The following MAPK8 variants were observed in gnomAD, a reference collection of about 807,000 sequenced individuals.
The protein encoded by MAPK8 is JUN N-terminal kinase.
A neutral mutation model predicts 52.9 loss-of-function variants in MAPK8; 13 were observed. The ratio of observed to expected loss-of-function variants is 0.25; its 90% confidence interval spans 0.16 to 0.39. The LOEUF (loss-of-function observed/expected upper bound fraction) is 0.39, where lower values mean the gene tolerates loss of function less well. MAPK8 is among the 10% of genes least tolerant of loss of function. MAPK8 has a pLI of 1.00. For missense variants in MAPK8, 300 were observed against 519.2 expected (o/e 0.58, Z 4.10); for synonymous variants, 191 against 169.8 (o/e 1.12, Z -0.97).
chr10:48,418,391 C>T (rs899754668), intron 5 of MAPK8, among the ~76,000 whole-genome samples: 6 of 152,172 alleles, frequency 3.9e-5, no homozygotes, highest in African/African-American at 1.4e-4. Context: ...TAGCACGACT[C>T]AGGCTTATTT....
intron 5 of MAPK8, among the ~76,000 whole-genome samples, chr10:48,418,388 A>C (rs1357178868): frequency 6.6e-6 from 1 of 152,126 alleles, no homozygotes; most frequent in East Asian, 1.9e-4. Context: ...GCTTAGCACG[A>C]CTCAGGCTTA....
At chr10:48,365,088 GATTAC>G (rs1341403579) in intron 1 of MAPK8, among the ~76,000 whole-genome samples, 2 of 152,118 alleles carry the variant, frequency 1.3e-5, no homozygotes, top group African/African-American at 4.8e-5. Flanking sequence ...ATTATAACTA[GATTAC>G]ATTACAAATA....
chr10:48,327,385 G>T (rs1843641136), intron 1 of MAPK8, among the ~76,000 whole-genome samples: 1 of 152,118 alleles, frequency 6.6e-6, no homozygotes, highest in African/African-American at 2.4e-5. Flanking sequence ...GTGGATTAGG[G>T]TTACATTAGT....
chr10:48,424,000 G>A (rs929616075), intron 6 of MAPK8, 88 bp from the exon 7 acceptor site: 95 of 881,444 alleles, frequency 1.1e-4, no homozygotes, highest in South Asian at 2.4e-4. Flanking sequence ...ACGTTTTGCA[G>A]TTTTTATATA....
intron 1 of MAPK8, among the ~76,000 whole-genome samples, chr10:48,346,420 C>T (rs1043861229): frequency 7.9e-5 from 12 of 152,226 alleles, no homozygotes; most frequent in African/African-American, 2.7e-4. Context: ...CGGACAGGGC[C>T]ACCAGAGGGC....
In MAPK8 at chr10:48,431,279, C is replaced by A; in HGVS notation, c.1138+9C>A. On this transcript the variant is annotated intron_variant, in intron 11 of 11. Coordinates refer to ENST00000374189, the MANE Select transcript of MAPK8 (RefSeq NM_001323329.2). ...GCAGCCCTCTCCTTTAGGTTGGTTA[C>A]AATATAAGCTTGGTTAAGATTACAG... 6.3e-7 allele frequency: 1 copy of A among 1,596,818 alleles called. No individual in the cohort carries two copies. The highest frequency in any genetic ancestry group is 8.6e-7 in the Non-Finnish European group (1 of 1,165,714).
chr10:48,412,765 TG>T (rs1233517909), intron 5 of MAPK8, among the ~76,000 whole-genome samples: 2 of 152,246 alleles, frequency 1.3e-5, no homozygotes, highest in Non-Finnish European at 1.5e-5. Flanking sequence ...TATTTCCCAA[TG>T]TTTTTTCCCC....
chr10:48,411,913 C>T (rs2042774760), intron 5 of MAPK8, among the ~76,000 whole-genome samples: 1 of 141,246 alleles, frequency 7.1e-6, no homozygotes, highest in African/African-American at 2.6e-5. Flanking sequence ...TCTCCATTCT[C>T]AGCTCACTGC....
intron 1 of MAPK8, among the ~76,000 whole-genome samples, chr10:48,341,657 T>C (rs1050772190): frequency 6.6e-6 from 1 of 152,362 alleles, no homozygotes; most frequent in East Asian, 1.9e-4. Context: ...CAACAAGCAT[T>C]ACCTATCTTC....
chr10:48,384,703 G>C (rs1287075677), intron 1 of MAPK8, among the ~76,000 whole-genome samples: 1 of 152,190 alleles, frequency 6.6e-6, no homozygotes, highest in East Asian at 1.9e-4. Context: ...AGTGGTATAG[G>C]TCCAGATTAT....
Position 48,438,397 on chromosome 10 carries a change from G to A in MAPK8, c.*3368G>A, listed in dbSNP as rs2045029780. 1 of 152,242 alleles carries A rather than the reference G, an allele frequency of 6.6e-6. No individual in the cohort carries two copies. 9.4% of individuals were successfully genotyped at this position (152,242 alleles called of 1,614,324 possible). A position where few individuals can be genotyped will look rare whatever the true frequency, so the allele number is the denominator to read the frequency against. On this transcript the variant is annotated 3_prime_UTR_variant, in exon 12 of 12. Coordinates refer to ENST00000374189, the MANE Select transcript of MAPK8 (RefSeq NM_001323329.2). ...AAGGGCATTGAAGCAGAAATGTATAGTTTGGGGTACGATTAGAAAACTCGT... is the reference window on the plus strand; with the variant it reads ...AAGGGCATTGAAGCAGAAATGTATAATTTGGGGTACGATTAGAAAACTCGT...
intron 5 of MAPK8, among the ~76,000 whole-genome samples, chr10:48,418,739 T>A (rs939118780): frequency 2.0e-5 from 3 of 152,216 alleles, no homozygotes; most frequent in Non-Finnish European, 4.4e-5. Flanking sequence ...AGGTACATAT[T>A]GATATATATG....
chr10:48,319,470 A>G (rs1015041455), intron 1 of MAPK8, among the ~76,000 whole-genome samples: 1 of 151,756 alleles, frequency 6.6e-6, no homozygotes, highest in Non-Finnish European at 1.5e-5. Context: ...TCTTCTCTAT[A>G]GTTTTGTTCA....
intron 5 of MAPK8, among the ~76,000 whole-genome samples, chr10:48,414,310 A>G (rs959981235): frequency 2.0e-5 from 3 of 152,110 alleles, no homozygotes; most frequent in Non-Finnish European, 2.9e-5. Flanking sequence ...TCCATTTATC[A>G]CTTGATTATA....
chr10:48,370,049 G>A (rs1220182492), intron 1 of MAPK8, among the ~76,000 whole-genome samples: 1 of 152,134 alleles, frequency 6.6e-6, no homozygotes, highest in Non-Finnish European at 1.5e-5. Context: ...AAATATCAGG[G>A]TCTTGATCAT....
At chr10:48,391,565 C>T (rs1011960973) in intron 1 of MAPK8, among the ~76,000 whole-genome samples, 3 of 152,140 alleles carry the variant, frequency 2.0e-5, no homozygotes, top group African/African-American at 7.2e-5. Context: ...TCTCTCAACA[C>T]AACAATCACA....
chr10:48,420,077 G>T (rs1340673113), intron 5 of MAPK8, 78 bp from the exon 6 acceptor site: 2 of 1,042,592 alleles, frequency 1.9e-6, no homozygotes, highest in African/African-American at 1.6e-5. Flanking sequence ...TTTTGCAAGG[G>T]ATAGTATAAC....
intron 1 of MAPK8, among the ~76,000 whole-genome samples, chr10:48,328,301 T>G (rs1362747860): frequency 2.6e-5 from 3 of 115,276 alleles, no homozygotes; most frequent in East Asian, 2.2e-4. Context: ...ATGAGCCAGC[T>G]TTTTTTTTTT....
At chr10:48,380,639 A>C (rs1161545242) in intron 1 of MAPK8, among the ~76,000 whole-genome samples, 1 of 152,198 alleles carries the variant, frequency 6.6e-6, no homozygotes, top group African/African-American at 2.4e-5. Context: ...AGGCTGAGGC[A>C]AGAGAATCAC....
Sources: gnomAD v4.1 joint callset for allele counts (sites outside exome capture counted in the v4.1 genomes callset) on GRCh38, gnomAD v4.1.1 for gene constraint, MANE v1.5 for transcripts, NCBI Gene and HGNC (gene_info 2026-07-23, HGNC 2026-07-21) for gene names.